CSMD2: variants seen among roughly 807,000 people sequenced by gnomAD.
CSMD2 encodes the protein CUB and sushi domain-containing protein 2.
A neutral mutation model predicts 398.5 loss-of-function variants in CSMD2; 130 were observed. The observed-to-expected ratio is 0.33, with a 90% CI of 0.28 to 0.38. The LOEUF is 0.38. Ranked by LOEUF, CSMD2 falls within the 10% of genes least tolerant of loss-of-function variation. The pLI is 1.00. For synonymous variants in CSMD2, 1,828 were observed against 1,908.5 expected (o/e 0.96, Z 1.10); for missense variants, 3,829 against 4,764.9 (o/e 0.80, Z 5.78).
At chr1:33,985,566 T>G (rs981726105) in intron 3 of CSMD2, among the ~76,000 whole-genome samples, 11 of 152,140 alleles carry the variant, frequency 7.2e-5, no homozygotes, top group Non-Finnish European at 1.6e-4. Context: ...CGTACCCGAG[T>G]GTGAATCCTG....
At chr1:33,739,057 C>T in intron 15 of CSMD2, 83 bp downstream of exon 15, 2 of 1,368,480 alleles carry the variant, frequency 1.5e-6, no homozygotes, top group Non-Finnish European at 2.0e-6. Flanking sequence ...CAGAAAGGAA[C>T]CACCATGGCC....
chr1:33,688,064 T>C (rs1645114119), intron 25 of CSMD2, among the ~76,000 whole-genome samples: 1 of 152,238 alleles, frequency 6.6e-6, no homozygotes, highest in Non-Finnish European at 1.5e-5. Context: ...TGAGGTCATG[T>C]ATCAAAATTT....
In CSMD2 at chr1:34,163,630, A is replaced by G. The variant is rs1641567740; in HGVS notation, c.187+1281T>C. Among the ~76,000 whole-genome samples the G allele has an allele frequency of 6.6e-6, 1 of 152,160 alleles. No individual in the cohort carries two copies. The highest frequency in any genetic ancestry group is 2.4e-5 in the African/African-American group (1 of 41,444). ...TCCAGGCCAAGCCTTCAGAGGTTCA[A>G]TCGGTGGTTTCAAAACAAAACAAAA... On this transcript the variant is annotated intron_variant, in intron 1 of 70. Transcript: ENST00000373381. This position sits in a 1 kb window ranked among gnomAD's most constrained non-coding sequence, Gnocchi z 5.4.
chr1:33,915,446 C>T (rs1558096932), intron 5 of CSMD2, among the ~76,000 whole-genome samples: 1 of 152,168 alleles, frequency 6.6e-6, no homozygotes, highest in Admixed American at 6.5e-5. Context: ...AGTGGTGACA[C>T]CAACCCTGTA....
intron 1 of CSMD2, among the ~76,000 whole-genome samples, chr1:34,162,726 A>T (rs2148589368): frequency 6.6e-6 from 1 of 152,074 alleles, no homozygotes; most frequent in East Asian, 1.9e-4. Context: ...GGGCGTGGTG[A>T]CGGTCGCCTG....
intron 25 of CSMD2, among the ~76,000 whole-genome samples, chr1:33,683,240 A>G (rs533696673): frequency 1.3e-5 from 2 of 152,106 alleles, no homozygotes; most frequent in African/African-American, 2.4e-5. Flanking sequence ...TTCATCATCC[A>G]TCTTCTATTG....
intron 25 of CSMD2, among the ~76,000 whole-genome samples, chr1:33,675,377 T>C (rs747762844): frequency 6.6e-6 from 1 of 152,198 alleles, no homozygotes; most frequent in Non-Finnish European, 1.5e-5. Flanking sequence ...GATAAATTCC[T>C]ACAAACATAC....
At chr1:34,113,131 G>T (rs1399750511) in intron 1 of CSMD2, 2 of 152,190 alleles carry the variant, frequency 1.3e-5, no homozygotes, top group Non-Finnish European at 2.9e-5. Flanking sequence ...AGTCACTCAT[G>T]GCTCAGACTT....
chr1:34,026,371 A>G (rs1249995196), intron 3 of CSMD2, among the ~76,000 whole-genome samples: 1 of 152,218 alleles, frequency 6.6e-6, no homozygotes, highest in Non-Finnish European at 1.5e-5. Flanking sequence ...AAGATTCTTC[A>G]TAGAGATCAT....
At chr1:33,711,990 C>T (rs1646007429) in intron 21 of CSMD2, among the ~76,000 whole-genome samples, 1 of 152,126 alleles carries the variant, frequency 6.6e-6, no homozygotes, top group African/African-American at 2.4e-5. Context: ...GGGAGGTGAA[C>T]AGATGAACTT....
At chr1:33,755,750 A>G (rs1405174020) in intron 13 of CSMD2, among the ~76,000 whole-genome samples, 2 of 152,010 alleles carry the variant, frequency 1.3e-5, no homozygotes, top group Non-Finnish European at 2.9e-5. Flanking sequence ...GCTAAAAGTG[A>G]TCCTCCCACC....
At position 33,743,356 on chromosome 1, in the gene CSMD2, G is replaced by A. The variant is rs1263903520; in HGVS notation, c.2097C>T (p.Ser699=). The A allele has an allele frequency of 2.5e-6, 4 of 1,614,218 alleles. No homozygotes were observed. The highest frequency in any genetic ancestry group is 2.2e-5 in the East Asian group (1 of 44,856). Residue 699 remains serine (S), a synonymous_variant, in exon 14 of 71, where the codon AGC becomes AGT. Transcript: ENST00000373381. ...SGNQLPSSIT[S]SGHVARLEFQ... ...ACTCGAGACGGGCCACGTGGCCACT[G>A]CTTGTGATGGAGGAGGGAAGCTGGT...
intron 3 of CSMD2, among the ~76,000 whole-genome samples, chr1:33,994,832 G>A (rs1354796820): frequency 7.9e-5 from 12 of 152,182 alleles, no homozygotes; most frequent in Middle Eastern, 3.4e-3. Context: ...TTGGGAGGCC[G>A]AGTTGGGTGG....
intron 1 of CSMD2, among the ~76,000 whole-genome samples, chr1:34,116,557 C>A (rs951201661): frequency 6.6e-6 from 1 of 151,964 alleles, no homozygotes; most frequent in African/African-American, 2.4e-5. Context: ...AGAGAGATTT[C>A]CATACCCCAC....
chr1:33,683,797 C>T (rs1426084277), intron 25 of CSMD2, among the ~76,000 whole-genome samples: 1 of 152,208 alleles, frequency 6.6e-6, no homozygotes, highest in East Asian at 1.9e-4. Context: ...GGCTATTCTC[C>T]AATTTGTTGA....
At chr1:34,115,496 G>A (rs183380388) in intron 1 of CSMD2, among the ~76,000 whole-genome samples, 56 of 152,180 alleles carry the variant, frequency 3.7e-4, no homozygotes, top group Non-Finnish European at 6.2e-4. Context: ...CCTTTATCTA[G>A]CAAGATTGTC....
chr1:33,685,648 G>A (rs1285179219), intron 25 of CSMD2, among the ~76,000 whole-genome samples: 8 of 152,100 alleles, frequency 5.3e-5, no homozygotes, highest in South Asian at 2.1e-4. Flanking sequence ...GTGCCCTTTC[G>A]TGGCCAGATC....
chr1:34,041,874 C>A (rs1005160877), intron 2 of CSMD2, among the ~76,000 whole-genome samples: 3 of 152,210 alleles, frequency 2.0e-5, no homozygotes, highest in African/African-American at 7.2e-5. Context: ...CACTGGCATT[C>A]ACATCTGCCA....
At chr1:33,526,369 C>T (rs1351841377) in intron 65 of CSMD2, among the ~76,000 whole-genome samples, 1 of 152,168 alleles carries the variant, frequency 6.6e-6, no homozygotes, top group Non-Finnish European at 1.5e-5. Flanking sequence ...TGTGCAAAAG[C>T]CTTGACTTTC....
Sources: gnomAD v4.1 joint callset for allele counts (sites outside exome capture counted in the v4.1 genomes callset) on GRCh38, gnomAD v4.1.1 for gene constraint, Gnocchi (gnomAD v3.1) non-coding constraint, MANE v1.5 for transcripts, NCBI Gene and HGNC (gene_info 2026-07-23, HGNC 2026-07-21) for gene names.